Variants in TRADD observed in about 807,000 individuals in gnomAD.
TRADD encodes TNFRSF1A associated via death domain.
Under a neutral mutation model 31.5 loss-of-function variants are expected in TRADD, and 14 were observed. The ratio of observed to expected loss-of-function variants is 0.44; its 90% CI spans 0.29 to 0.69. The LOEUF is 0.69. TRADD is among the 30% of genes least tolerant of loss of function. The pLI, the probability that TRADD is intolerant of heterozygous loss-of-function variation, is 0.11. For synonymous variants in TRADD, 220 were observed against 215.8 expected (o/e 1.02, Z -0.17); for missense variants, 388 against 435.7 (o/e 0.89, Z 0.97).
chr16:67,156,722 A>G lies in TRADD; in HGVS notation c.-8-54T>C, dbSNP rs750292371. ...TTCATCCCCCCTCCCTCCACCCTGG[A>G]GACAACTACCCAGCCCCACGTGGTT... On this transcript the variant is annotated intron_variant, in intron 1 of 4. Transcript: ENST00000345057. This position sits in a 1 kb window ranked among gnomAD's most constrained non-coding sequence, Gnocchi z 4.6. 3.7e-6 allele frequency: 6 copies of G among 1,607,342 alleles called. No homozygotes were observed. Among genetic ancestry groups the G allele is most frequent in the Non-Finnish European group, 4.2e-6 (5 of 1,179,086 alleles).
chr16:67,155,449 G>A lies in TRADD; in HGVS notation c.357C>T (p.Arg119=), dbSNP rs1204065608. The change falls in exon 3 of 5, where the codon CGC becomes CGT. Residue 119 remains arginine (R), a synonymous_variant. Coordinates refer to ENST00000345057, the MANE Select transcript of TRADD (RefSeq NM_003789.4). ...QHSVPLQLEL[R]AGAERLDALL... ...AAGCGTCCAGCCGCTCGGCGCCGGC[G>A]CGCAGCTCCAGTTGCAGCGGCACCG... 1 of 1,594,584 alleles carries A rather than the reference G, an allele frequency of 6.3e-7. No homozygotes were observed. The highest frequency in any genetic ancestry group is 1.7e-5 in the Admixed American group (1 of 59,696).
rs768177238 is a variant in TRADD at position 67,155,208 on chromosome 16, G to T, written c.516C>A (p.Asp172Glu). The T allele has an allele frequency of 6.3e-7, 1 of 1,591,692 alleles. No individual in the cohort carries two copies. The highest frequency in any genetic ancestry group is 1.3e-5 in the African/African-American group (1 of 74,426). ...GCAAGGGGGCCGAAGCGACCTCCCC[G>T]TCGCCACCCCGGGCCCCCGAGCCGC... The part of the protein sequence containing the change: ...LKCGSGARGG[D>E]GEVASAPLQP... The change falls in exon 4 of 5, where the codon GAC becomes GAA. Residue 172 changes from aspartate (D) to glutamate (E), a missense_variant. Coordinates refer to ENST00000345057, the MANE Select transcript of TRADD (RefSeq NM_003789.4).
At position 67,156,175 on chromosome 16, in the gene TRADD, G is replaced by A. The variant is rs752798836; in HGVS notation, c.151+335C>T. The A allele has an allele frequency of 1.0e-5, 14 of 1,394,736 alleles. No individual in the cohort carries two copies. In the South Asian group the frequency reaches 1.7e-4, roughly 17 times the overall value. 86.4% of individuals were successfully genotyped at this position (1,394,736 alleles called of 1,614,324 possible). A position where few individuals can be genotyped will look rare whatever the true frequency, so the allele number is the denominator to read the frequency against. ...AGGGGGGCCTGGAAGGGTAGGTACTGGGGAGGGGTCTTGAGCAAGGAGTGC... is the reference window on the plus strand; with the variant it reads ...AGGGGGGCCTGGAAGGGTAGGTACTAGGGAGGGGTCTTGAGCAAGGAGTGC... On this transcript the variant is annotated intron_variant, in intron 2 of 4. Transcript: ENST00000345057. The surrounding 1 kb of genome is among the most constrained non-coding windows in gnomAD (Gnocchi z 4.6).
At chr16:67,155,061 C>T (rs769010366) in intron 4 of TRADD, 35 bp downstream of exon 4, 3 of 1,545,140 alleles carry the variant, frequency 1.9e-6, no homozygotes, top group African/African-American at 2.7e-5. Context: ...AGACTCCAAC[C>T]TCCTGGTGAC....
rs1486194931 is a variant in TRADD, at chr16:67,156,626, A to T, written c.35T>A (p.Val12Glu). The T allele has an allele frequency of 6.2e-7, 1 of 1,613,966 alleles. No individual in the cohort carries two copies. Among genetic ancestry groups the T allele is most frequent in the Non-Finnish European group, 8.5e-7 (1 of 1,180,032 alleles). ...CTCCACAAACAGGTATGCGCTGCCC[A>T]CCCACTCTTCGTGCCCATTTTGCCC... ...AAGQNGHEEW[V>E]GSAYLFVESS... Residue 12 changes from valine to glutamate, a missense_variant, in exon 2 of 5, where the codon GTG becomes GAG. Coordinates refer to ENST00000345057, the MANE Select transcript of TRADD (RefSeq NM_003789.4). The surrounding 1 kb of genome is among the most constrained non-coding windows in gnomAD (Gnocchi z 4.6).
intron 1 of TRADD, among the ~76,000 whole-genome samples, chr16:67,158,628 C>G (rs1031369090): frequency 6.6e-6 from 1 of 152,058 alleles, no homozygotes; most frequent in Non-Finnish European, 1.5e-5. Flanking sequence ...TTGTATTTAG[C>G]AATATTTTCT....
At position 67,156,122 on chromosome 16, in the gene TRADD, T is replaced by A; in HGVS notation, c.151+388A>T. 3.0e-6 allele frequency: 4 copies of A among 1,351,652 alleles called. No individual in the cohort carries two copies. Among genetic ancestry groups the A allele is most frequent in the Non-Finnish European group, 3.9e-6 (4 of 1,030,432 alleles). 83.7% of individuals were successfully genotyped at this position (1,351,652 alleles called of 1,614,324 possible). On this transcript the variant is annotated intron_variant, in intron 2 of 4. Transcript: ENST00000345057. This position sits in a 1 kb window ranked among gnomAD's most constrained non-coding sequence, Gnocchi z 4.6. The stretch of plus-strand genomic sequence containing the variant: ...ACAGATCCCCCAACCCGCTTCAGCC[T>A]CCTGTGGCCTCTGCCCTGAGATGGG...
rs2030565538 is a variant in TRADD, at chr16:67,154,214, T to C, written c.*435A>G. The stretch of plus-strand genomic sequence containing the variant: ...TCACATCAAAATCCGTGTTATACTT[T>C]ATTATCATTGCTTAACATTCGGGGT... On this transcript the variant is annotated 3_prime_UTR_variant, in exon 5 of 5. Coordinates refer to ENST00000345057, the MANE Select transcript of TRADD (RefSeq NM_003789.4). This position sits in a 1 kb window ranked among gnomAD's most constrained non-coding sequence, Gnocchi z 5.2. 1 of 250,390 alleles carries C rather than the reference T, an allele frequency of 4.0e-6. No homozygotes were observed. The highest frequency in any genetic ancestry group is 7.9e-6 in the Non-Finnish European group (1 of 126,222). The allele number at this position is 250,390 out of a possible 1,614,324, so 15.5% of individuals were successfully genotyped here. A position where few individuals can be genotyped will look rare whatever the true frequency, so the allele number is the denominator to read the frequency against.
chr16:67,155,351 C>T (rs778429287), intron 3 of TRADD, 26 bp downstream of exon 3: 1 of 1,604,032 alleles, frequency 6.2e-7, no homozygotes, highest in Non-Finnish European at 8.5e-7. Context: ...CCGCCCTACC[C>T]CATCCTGACC....
At position 67,155,568 on chromosome 16, in the gene TRADD, GC is replaced by G; in HGVS notation, c.237del (p.Arg80GlyfsTer57). ...CGGAGGAAGCGGCCACAGGGCTGCCGCCCGCAGAATCGCAGCTGCACGATCA... is the reference window on the plus strand; with the variant it reads ...CGGAGGAAGCGGCCACAGGGCTGCCGCCGCAGAATCGCAGCTGCACGATCA... ...PQLIVQLRFC[G>X]RQPCGRFLRA... On this transcript the variant is annotated frameshift_variant, in exon 3 of 5. Transcript: ENST00000345057. LOFTEE classifies it high-confidence loss of function. The G allele has an allele frequency of 6.5e-7, 1 of 1,531,966 alleles. No individual in the cohort carries two copies. The highest frequency in any genetic ancestry group is 8.7e-7 in the Non-Finnish European group (1 of 1,146,766). The allele number at this position is 1,531,966 out of a possible 1,614,324, so 94.9% of individuals were successfully genotyped here.
At position 67,155,571 on chromosome 16, in the gene TRADD, C is replaced by G. The variant is rs1253461045; in HGVS notation, c.235G>C (p.Gly79Arg). Reference protein sequence around the residue: ...PQLIVQLRFCGRQPCGRFLRA... With the variant: ...PQLIVQLRFCRRQPCGRFLRA... ...AGGAAGCGGCCACAGGGCTGCCGCCCGCAGAATCGCAGCTGCACGATCAGC... is the reference window on the plus strand; with the variant it reads ...AGGAAGCGGCCACAGGGCTGCCGCCGGCAGAATCGCAGCTGCACGATCAGC... The change falls in exon 3 of 5, where the codon GGG becomes CGG. Residue 79 changes from glycine (G) to arginine (R), a missense_variant. Gly to Arg is a moderately radical substitution (Grantham distance 125). Transcript: ENST00000345057. 2.0e-5 allele frequency: 31 copies of G among 1,533,732 alleles called. No individual in the cohort carries two copies. Among genetic ancestry groups the G allele is most frequent in the Non-Finnish European group, 2.6e-5 (30 of 1,147,894 alleles).
chr16:67,155,175 CG>C lies in TRADD; in HGVS notation c.548del (p.Pro183ArgfsTer8). The C allele has an allele frequency of 2.6e-6, 4 of 1,562,770 alleles. No individual in the cohort carries two copies. The highest frequency in any genetic ancestry group is 8.6e-7 in the Non-Finnish European group (1 of 1,156,908). ...GCTTCACCTCCGACAGAGAGGGCAC[CG>C]GGGGCTGCAAGGGGGCCGAAGCGAC... ...GEVASAPLQP[P>X]VPSLSEVKPP... On this transcript the variant is annotated frameshift_variant, in exon 4 of 5. Coordinates refer to ENST00000345057, the MANE Select transcript of TRADD (RefSeq NM_003789.4). LOFTEE classifies it high-confidence loss of function.
Position 67,155,631 on chromosome 16 carries a change from G to T in TRADD, c.175C>A (p.Leu59Met). 6.4e-7 allele frequency: 1 copy of T among 1,555,464 alleles called. No individual in the cohort carries two copies. The highest frequency in any genetic ancestry group is 8.6e-7 in the Non-Finnish European group (1 of 1,157,542). Residue 59 changes from leucine to methionine, a missense_variant, in exon 3 of 5, where the codon CTG (leucine) becomes ATG (methionine). Leu to Met is a conservative substitution (Grantham distance 15, BLOSUM62 2). Coordinates refer to ENST00000345057, the MANE Select transcript of TRADD (RefSeq NM_003789.4). The part of the protein sequence containing the change: ...LAESGGSPDV[L>M]QMLKIHRSDP... ...CTGCGGTGGATCTTCAGCATCTGCA[G>T]CACGTCCGGGCTCCCGCCGCTCTCT...
chr16:67,156,789 A>G lies in TRADD; in HGVS notation c.-8-121T>C. 1 of 1,320,650 alleles carries G rather than the reference A, an allele frequency of 7.6e-7. No homozygotes were observed. The highest frequency in any genetic ancestry group is 1.1e-6 in the Non-Finnish European group (1 of 926,420). 81.8% of individuals were successfully genotyped at this position (1,320,650 alleles called of 1,614,324 possible). The stretch of plus-strand genomic sequence containing the variant: ...AGTAGCCTCAAGTCCCACATGGTTC[A>G]GTTGTCCCCACCACTGGTTGGCATA... On this transcript the variant is annotated intron_variant, in intron 1 of 4. Coordinates refer to ENST00000345057, the MANE Select transcript of TRADD (RefSeq NM_003789.4). The surrounding 1 kb of genome is among the most constrained non-coding windows in gnomAD (Gnocchi z 4.6).
chr16:67,156,887 C>G lies in TRADD; in HGVS notation c.-8-219G>C, dbSNP rs544992396. 6.6e-6 allele frequency among the ~76,000 whole-genome samples: 1 copy of G among 152,340 alleles called. No individual in the cohort carries two copies. Among genetic ancestry groups the G allele is most frequent in the South Asian group, 2.1e-4 (1 of 4,828 alleles). On this transcript the variant is annotated intron_variant, in intron 1 of 4. Transcript: ENST00000345057. The surrounding 1 kb of genome is among the most constrained non-coding windows in gnomAD (Gnocchi z 4.6). Reference sequence around the variant, plus strand: ...GCTCTGTACAGAGTCCCACCCGCCCCAGGCTTGCAGTGAGGACTGTCCCTC... The same window carrying G: ...GCTCTGTACAGAGTCCCACCCGCCCGAGGCTTGCAGTGAGGACTGTCCCTC...
rs2030683848 is a variant in TRADD at position 67,156,083 on chromosome 16, C to T, written c.151+427G>A. The T allele has an allele frequency of 1.5e-6, 2 of 1,349,660 alleles. No homozygotes were observed. Among genetic ancestry groups the T allele is most frequent in the South Asian group, 1.2e-5 (1 of 81,516 alleles). The allele number at this position is 1,349,660 out of a possible 1,614,324, so 83.6% of individuals were successfully genotyped here. ...TCGGGAAGAAGAGGGGCTCTCGCCGCTCTGAGGCCACGAACAGATCCCCCA... is the reference window on the plus strand; with the variant it reads ...TCGGGAAGAAGAGGGGCTCTCGCCGTTCTGAGGCCACGAACAGATCCCCCA... On this transcript the variant is annotated intron_variant, in intron 2 of 4. Transcript: ENST00000345057. This position sits in a 1 kb window ranked among gnomAD's most constrained non-coding sequence, Gnocchi z 4.6.
At position 67,156,060 on chromosome 16, in the gene TRADD, G is replaced by A. The variant is rs752826180; in HGVS notation, c.152-406C>T. On this transcript the variant is annotated intron_variant, in intron 2 of 4. Coordinates refer to ENST00000345057, the MANE Select transcript of TRADD (RefSeq NM_003789.4). The surrounding 1 kb of genome is among the most constrained non-coding windows in gnomAD (Gnocchi z 4.6). ...CCACCAAGCGCGACTCCCACTGCTC[G>A]GGAAGAAGAGGGGCTCTCGCCGCTC... 1.2e-5 allele frequency: 16 copies of A among 1,354,752 alleles called. No individual in the cohort carries two copies. Among genetic ancestry groups the A allele is most frequent in the Non-Finnish European group, 1.5e-5 (16 of 1,032,744 alleles). The allele number at this position is 1,354,752 out of a possible 1,614,324, so 83.9% of individuals were successfully genotyped here. A position where few individuals can be genotyped will look rare whatever the true frequency, so the allele number is the denominator to read the frequency against.
intron 1 of TRADD, among the ~76,000 whole-genome samples, chr16:67,158,680 C>A (rs1357638769): frequency 6.6e-6 from 1 of 151,980 alleles, no homozygotes; most frequent in Non-Finnish European, 1.5e-5. Flanking sequence ...ATTAAAAGAG[C>A]AAAATAAATT....
At chr16:67,157,734 G>C (rs1597230319) in intron 1 of TRADD, among the ~76,000 whole-genome samples, 1 of 152,114 alleles carries the variant, frequency 6.6e-6, no homozygotes, top group Non-Finnish European at 1.5e-5. Flanking sequence ...AGGGCCCCTT[G>C]GTGCTAGTAT....
Sources: allele counts gnomAD v4.1 joint callset (sites outside exome capture counted in the v4.1 genomes callset), GRCh38; gene constraint gnomAD v4.1.1; non-coding constraint Gnocchi (gnomAD v3.1); transcripts MANE v1.5; gene names NCBI Gene and HGNC (gene_info 2026-07-23, HGNC 2026-07-21).